LDLRAD4: variants seen among roughly 807,000 people sequenced by gnomAD.
The protein encoded by LDLRAD4 is low density lipoprotein receptor class A domain containing 4, also known as low-density lipoprotein receptor class A domain-containing protein 4.
LDLRAD4 carries 5 observed loss-of-function variants against 17.0 expected under a neutral mutation model. The observed-to-expected ratio is 0.29, with a 90% confidence interval of 0.15 to 0.62. LDLRAD4 has a LOEUF of 0.62. Among genes scored for constraint, LDLRAD4 ranks in the 20% least tolerant of loss-of-function variants. The pLI, the probability that LDLRAD4 is intolerant of heterozygous loss-of-function variation, is 0.84. For synonymous variants in LDLRAD4, 168 were observed against 171.8 expected (o/e 0.98, Z 0.17); for missense variants, 340 against 424.7 (o/e 0.80, Z 1.75).
chr18:13,436,285 A>G (rs889193562), intron 2 of LDLRAD4, among the ~76,000 whole-genome samples: 2 of 152,188 alleles, frequency 1.3e-5, no homozygotes, highest in African/African-American at 4.8e-5. Context: ...CGGCTAATAT[A>G]TTGGTTATAT....
At chr18:13,341,036 C>T (rs550669336) in intron 1 of LDLRAD4, among the ~76,000 whole-genome samples, 1 of 152,228 alleles carries the variant, frequency 6.6e-6, no homozygotes, top group African/African-American at 2.4e-5. Context: ...TGTATTGTAT[C>T]TGTGAAGTTG....
chr18:13,428,353 G>A (rs1175864350), intron 2 of LDLRAD4, among the ~76,000 whole-genome samples: 2 of 152,150 alleles, frequency 1.3e-5, no homozygotes, highest in African/African-American at 4.8e-5. Context: ...AGGAGCAGCA[G>A]GTATGGATGA....
intron 1 of LDLRAD4, among the ~76,000 whole-genome samples, chr18:13,287,213 G>A (rs1439920930): frequency 6.6e-6 from 1 of 152,112 alleles, no homozygotes; most frequent in Non-Finnish European, 1.5e-5. Context: ...AAATATCTTA[G>A]TATATCTTTC....
chr18:13,310,653 T>C (rs962022752), intron 1 of LDLRAD4, among the ~76,000 whole-genome samples: 7 of 151,928 alleles, frequency 4.6e-5, no homozygotes, highest in Non-Finnish European at 1.0e-4. Flanking sequence ...TGACCTTAGC[T>C]CCTTCCCAGG....
At chr18:13,328,655 A>G (rs1464699308) in intron 1 of LDLRAD4, among the ~76,000 whole-genome samples, 3 of 152,224 alleles carry the variant, frequency 2.0e-5, no homozygotes, top group African/African-American at 7.2e-5. Context: ...GGGCTATCTT[A>G]TATGATTGTC....
intron 4 of LDLRAD4, among the ~76,000 whole-genome samples, chr18:13,625,723 AGCACCCTCCTCCCC>A (rs2041084817): frequency 6.4e-5 from 1 of 15,666 alleles, no homozygotes; most frequent in Admixed American, 7.6e-4. Context: ...TCCCCCTGCC[AGCACCCTCCTCCCC>A]CCACCAGAGC....
chr18:13,309,684 G>A (rs1286269370), intron 1 of LDLRAD4, among the ~76,000 whole-genome samples: 2 of 152,192 alleles, frequency 1.3e-5, no homozygotes, highest in Non-Finnish European at 2.9e-5. Context: ...TAGATGTGAT[G>A]TGTCTTTGTG....
intron 1 of LDLRAD4, among the ~76,000 whole-genome samples, chr18:13,280,291 C>A (rs1215906527): frequency 6.6e-6 from 1 of 152,204 alleles, no homozygotes; most frequent in Non-Finnish European, 1.5e-5. Flanking sequence ...ACTTTGTTAC[C>A]TTGGCAAGTC....
chr18:13,454,025 C>G (rs1276313779), intron 3 of LDLRAD4, among the ~76,000 whole-genome samples: 1 of 152,278 alleles, frequency 6.6e-6, no homozygotes, highest in Non-Finnish European at 1.5e-5. Context: ...GAGGCTGCGC[C>G]GTGCACACCC....
intron 3 of LDLRAD4, among the ~76,000 whole-genome samples, chr18:13,596,035 T>G (rs894123101): frequency 6.6e-6 from 1 of 152,232 alleles, no homozygotes; most frequent in Non-Finnish European, 1.5e-5. Context: ...TTTTGCTTCA[T>G]GTATTTTGGA....
chr18:13,433,342 G>A (rs919203616), intron 2 of LDLRAD4, among the ~76,000 whole-genome samples: 2 of 152,174 alleles, frequency 1.3e-5, no homozygotes, highest in African/African-American at 2.4e-5. Context: ...TGAACTAAAT[G>A]AGTCAGTGTT....
At chr18:13,224,742 A>G (rs1364980327) in intron 1 of LDLRAD4, among the ~76,000 whole-genome samples, 2 of 151,488 alleles carry the variant, frequency 1.3e-5, no homozygotes, top group Non-Finnish European at 2.9e-5. Flanking sequence ...GGCCTCCCAA[A>G]GTGCTGAGAT....
intron 3 of LDLRAD4, among the ~76,000 whole-genome samples, chr18:13,583,592 C>T (rs2094895686): frequency 6.6e-6 from 1 of 152,130 alleles, no homozygotes; most frequent in African/African-American, 2.4e-5. Flanking sequence ...AATATCACCA[C>T]GTTCAACTGA....
chr18:13,226,180 C>CTCTTT (rs71370946), intron 1 of LDLRAD4, among the ~76,000 whole-genome samples: 8 of 52,190 alleles, frequency 1.5e-4, no homozygotes, highest in African/African-American at 5.5e-4. Context: ...CCATGCCTTG[C>CTCTTT]TTTTTTTTTT....
intron 3 of LDLRAD4, among the ~76,000 whole-genome samples, chr18:13,523,808 G>A (rs187034871): frequency 1.3e-5 from 2 of 152,190 alleles, no homozygotes; most frequent in African/African-American, 2.4e-5. Flanking sequence ...CTGGTGACAC[G>A]AACCTTTTGC....
At chr18:13,606,265 T>G (rs1459008598) in intron 3 of LDLRAD4, among the ~76,000 whole-genome samples, 1 of 152,216 alleles carries the variant, frequency 6.6e-6, no homozygotes, top group Non-Finnish European at 1.5e-5. Flanking sequence ...AGGAGGTAGC[T>G]TAGCCATTAT....
chr18:13,281,993 A>G (rs548083421), intron 1 of LDLRAD4, among the ~76,000 whole-genome samples: 22 of 152,314 alleles, frequency 1.4e-4, no homozygotes, highest in African/African-American at 4.6e-4. Flanking sequence ...ACGGGAGGCG[A>G]AAGGCACTTC....
At chr18:13,529,985 G>T (rs749300372) in intron 3 of LDLRAD4, among the ~76,000 whole-genome samples, 3 of 152,148 alleles carry the variant, frequency 2.0e-5, no homozygotes, top group Non-Finnish European at 4.4e-5. Context: ...AAATATCTCA[G>T]ATAATTTGAG....
chr18:13,558,341 C>T (rs2094505661), intron 3 of LDLRAD4, among the ~76,000 whole-genome samples: 1 of 152,158 alleles, frequency 6.6e-6, no homozygotes, highest in South Asian at 2.1e-4. Flanking sequence ...TGCAGAAGCA[C>T]CACTTGCCTA....
Sources: allele counts gnomAD v4.1 joint callset (sites outside exome capture counted in the v4.1 genomes callset), GRCh38; gene constraint gnomAD v4.1.1; transcripts MANE v1.5; gene names NCBI Gene and HGNC (gene_info 2026-07-23, HGNC 2026-07-21).